WARS2: variants seen among roughly 807,000 people sequenced by gnomAD.
WARS2 encodes tryptophan--tRNA ligase, mitochondrial.
In WARS2, 28 loss-of-function variants were observed where a neutral mutation model predicts 36.5. The observed-to-expected ratio is 0.77, with a 90% CI of 0.57 to 1.05. The LOEUF (loss-of-function observed/expected upper bound fraction) is 1.05. Ranked by LOEUF, WARS2 falls within the 50% of genes least tolerant of loss-of-function variation. The pLI is 0.00. For missense variants in WARS2, 435 were observed against 456.8 expected (o/e 0.95, Z 0.44); for synonymous variants, 174 against 178.4 (o/e 0.98, Z 0.20).
chr1:119,062,392 T>A (rs1650457191), intron 2 of WARS2, among the ~76,000 whole-genome samples: 1 of 152,074 alleles, frequency 6.6e-6, no homozygotes, highest in Non-Finnish European at 1.5e-5. Flanking sequence ...GATGAGCAAT[T>A]AAAACAGTGG....
At chr1:119,095,573 C>A (rs1653379825) in intron 1 of WARS2, among the ~76,000 whole-genome samples, 2 of 152,148 alleles carry the variant, frequency 1.3e-5, no homozygotes, top group Admixed American at 1.3e-4. Context: ...GCTGGGATTA[C>A]AGGCGCCTGC....
chr1:119,084,981 G>C (rs186471527), intron 1 of WARS2: 1 of 498,998 alleles, frequency 2.0e-6, no homozygotes, highest in Non-Finnish European at 3.7e-6. Flanking sequence ...CAAATCTACC[G>C]AGCAGCTGAA....
At chr1:119,129,679 C>T (rs1371105735) in intron 1 of WARS2, among the ~76,000 whole-genome samples, 5 of 151,858 alleles carry the variant, frequency 3.3e-5, no homozygotes, top group Admixed American at 3.3e-4. Flanking sequence ...TGCACCACTG[C>T]ACTCCAGCCT....
rs147260970 is a variant in WARS2 at position 119,107,760 on chromosome 1, C to T, written c.91-31153G>A. 6.5e-4 allele frequency among the ~76,000 whole-genome samples: 99 copies of T among 152,066 alleles called. 1 individual carries two copies. The highest frequency in any genetic ancestry group is 2.3e-3 in the African/African-American group (94 of 41,514). ...GGTGACATCCTTGTCTTGTTTCTAA[C>T]CTTAGCAGAAAGCTTCAAGTTTCTC... On this transcript the variant is annotated intron_variant, in intron 1 of 5. Coordinates refer to ENST00000235521, the MANE Select transcript of WARS2 (RefSeq NM_015836.4).
At chr1:119,140,404 C>A in intron 1 of WARS2, 151 bp downstream of exon 1, 2 of 595,408 alleles carry the variant, frequency 3.4e-6, no homozygotes, top group Non-Finnish European at 5.6e-6. Context: ...ACGCTCTGAG[C>A]AGGCCGACAG....
At chr1:119,138,711 C>G (rs967542905) in intron 1 of WARS2, among the ~76,000 whole-genome samples, 1 of 152,106 alleles carries the variant, frequency 6.6e-6, no homozygotes, top group South Asian at 2.1e-4. Context: ...TTCAAACCAT[C>G]ATTTTCAATG....
At chr1:119,133,556 C>T (rs192149913) in intron 1 of WARS2, among the ~76,000 whole-genome samples, 176 of 152,294 alleles carry the variant, frequency 1.2e-3, no homozygotes, top group African/African-American at 4.1e-3. Context: ...GGGCTAATAG[C>T]ACCTACCTTA....
intron 1 of WARS2, among the ~76,000 whole-genome samples, chr1:119,103,045 C>G (rs1168657757): frequency 1.3e-5 from 2 of 152,126 alleles, no homozygotes; most frequent in Admixed American, 1.3e-4. Context: ...TTTTCTGCTA[C>G]AACAGGTAAT....
chr1:119,052,673 T>TTG (rs1299404478), intron 2 of WARS2, among the ~76,000 whole-genome samples: 2 of 152,182 alleles, frequency 1.3e-5, no homozygotes, highest in African/African-American at 2.4e-5. Flanking sequence ...CTTATTGTGC[T>TTG]TGTGTGTGTG....
intron 1 of WARS2, among the ~76,000 whole-genome samples, chr1:119,092,027 C>T (rs1242941966): frequency 6.6e-6 from 1 of 152,184 alleles, no homozygotes; most frequent in Non-Finnish European, 1.5e-5. Flanking sequence ...CCGGTTTGAA[C>T]TAGAATCTAG....
At chr1:119,085,611 T>C in intron 1 of WARS2, 4 of 1,488,936 alleles carry the variant, frequency 2.7e-6, no homozygotes, top group Middle Eastern at 1.7e-4. Flanking sequence ...AGGAACGCAA[T>C]AGTTAGACAC....
Position 119,049,513 on chromosome 1 carries a change from T to G in WARS2, c.349-3851A>C, listed in dbSNP as rs369190516. ...TATGTATAGTTGATGCCTTTTGAAT[T>G]TATAACTCCAGTCAGACCTTGCTGA... On this transcript the variant is annotated intron_variant, in intron 2 of 5. Coordinates refer to ENST00000235521, the MANE Select transcript of WARS2 (RefSeq NM_015836.4). 1.2e-4 allele frequency among the ~76,000 whole-genome samples: 18 copies of G among 152,310 alleles called. No homozygotes were observed. In the East Asian group the frequency reaches 2.7e-3, roughly 23 times the overall value.
intron 2 of WARS2, among the ~76,000 whole-genome samples, chr1:119,059,842 G>T (rs1485397464): frequency 6.6e-6 from 1 of 152,154 alleles, no homozygotes; most frequent in Non-Finnish European, 1.5e-5. Context: ...GGAACAGAAA[G>T]CCAAATGCTG....
chr1:119,103,048 CA>C (rs1392450831), intron 1 of WARS2, among the ~76,000 whole-genome samples: 1 of 152,132 alleles, frequency 6.6e-6, no homozygotes, highest in Non-Finnish European at 1.5e-5. Context: ...TCTGCTACAA[CA>C]GGTAATATTC....
chr1:119,113,505 C>A (rs1467130797), intron 1 of WARS2, among the ~76,000 whole-genome samples: 1 of 151,964 alleles, frequency 6.6e-6, no homozygotes, highest in African/African-American at 2.4e-5. Flanking sequence ...AGGAAGGGGT[C>A]TAGACAGATA....
At chr1:119,036,691 A>G (rs2101104827) in intron 4 of WARS2, among the ~76,000 whole-genome samples, 1 of 152,350 alleles carries the variant, frequency 6.6e-6, no homozygotes. Context: ...CAACCAAACT[A>G]AACAGAAAAC....
At chr1:119,083,454 T>A (rs1246527011) in intron 1 of WARS2, among the ~76,000 whole-genome samples, 5 of 152,216 alleles carry the variant, frequency 3.3e-5, no homozygotes. Flanking sequence ...CTGTTCTTCA[T>A]AAATTACCCA....
chr1:119,042,097 A>T (rs1268973902), intron 4 of WARS2, among the ~76,000 whole-genome samples, 167 bp downstream of exon 4: 2 of 152,234 alleles, frequency 1.3e-5, no homozygotes, highest in East Asian at 3.8e-4. Context: ...ACATGTAGAA[A>T]CATACTTCTA....
chr1:119,086,156 A>G (rs1051334455), intron 1 of WARS2, among the ~76,000 whole-genome samples: 1 of 152,234 alleles, frequency 6.6e-6, no homozygotes, highest in South Asian at 2.1e-4. Context: ...AATTGCACCC[A>G]GCCTTCATAA....
Sources: gnomAD v4.1 joint callset for allele counts (sites outside exome capture counted in the v4.1 genomes callset) on GRCh38, gnomAD v4.1.1 for gene constraint, MANE v1.5 for transcripts, NCBI Gene and HGNC (gene_info 2026-07-23, HGNC 2026-07-21) for gene names.